TGFBR1: variants seen among roughly 807,000 people sequenced by gnomAD.
The protein encoded by TGFBR1 is TGF-beta receptor type-1.
TGFBR1 carries 20 observed loss-of-function variants against 55.1 expected under a neutral mutation model. The observed-to-expected ratio is 0.36, with a 90% CI of 0.26 to 0.53. The LOEUF is 0.53. Among genes scored for constraint, TGFBR1 ranks in the 20% least tolerant of loss-of-function variants. TGFBR1 has a pLI of 0.91. For synonymous variants in TGFBR1, 220 were observed against 214.8 expected, an observed-to-expected ratio of 1.02 and a Z score of -0.21; for missense variants, 385 against 617.6, an observed-to-expected ratio of 0.62 and a Z score of 3.99.
chr9:99,148,449 T>C (rs1203148907), intron 8 of TGFBR1, among the ~76,000 whole-genome samples: 2 of 152,268 alleles, frequency 1.3e-5, no homozygotes, highest in South Asian at 2.1e-4. Context: ...TATTACAATA[T>C]TGGTGAAGCA....
At position 99,149,290 on chromosome 9, in the gene TGFBR1, AGG is replaced by A; in HGVS notation, c.1498_1499del (p.Gly500HisfsTer23). On this transcript the variant is annotated frameshift_variant, in exon 9 of 9. Coordinates refer to ENST00000374994, the MANE Select transcript of TGFBR1 (RefSeq NM_004612.4). LOFTEE classifies it high-confidence loss of function. ...KTLSQLSQQE[G>X]IKM is the part of the protein sequence containing the mutation. ...CATTATCGCAACTCAGTCAACAGGA[AGG>A]CATCAAAATGTAATTCTACAGCTTT... 6.2e-7 allele frequency: 1 copy of A among 1,613,872 alleles called. No homozygotes were observed. The highest frequency in any genetic ancestry group is 8.5e-7 in the Non-Finnish European group (1 of 1,179,834).
At chr9:99,138,666 G>A (rs964805643) in intron 4 of TGFBR1, among the ~76,000 whole-genome samples, 1 of 152,204 alleles carries the variant, frequency 6.6e-6, no homozygotes, top group Non-Finnish European at 1.5e-5. Context: ...GAGGCCCAGT[G>A]TCAGGTCAGA....
rs374034229 is a variant in TGFBR1 at position 99,146,466 on chromosome 9, T to G, written c.1131-19T>G. 1.1e-5 allele frequency: 18 copies of G among 1,613,642 alleles called. No homozygotes were observed. The highest frequency in any genetic ancestry group is 1.5e-5 in the Non-Finnish European group (18 of 1,179,760). On this transcript the variant is annotated intron_variant, in intron 6 of 8. Coordinates refer to ENST00000374994, the MANE Select transcript of TGFBR1 (RefSeq NM_004612.4). The stretch of plus-strand genomic sequence containing the variant: ...GTAAGGGGATGATTTTCAAAGTTCT[T>G]TTTGCAAATTTTTTTTAGGTACATG...
chr9:99,144,481 T>G (rs1240518702), intron 5 of TGFBR1, among the ~76,000 whole-genome samples: 2 of 152,200 alleles, frequency 1.3e-5, no homozygotes, highest in Non-Finnish European at 2.9e-5. Flanking sequence ...ATAACTTTTT[T>G]TTTGCCCCAG....
At chr9:99,116,524 A>G (rs1211876853) in intron 1 of TGFBR1, among the ~76,000 whole-genome samples, 2 of 152,244 alleles carry the variant, frequency 1.3e-5, no homozygotes, top group African/African-American at 4.8e-5. Flanking sequence ...CTAAACTATT[A>G]TCTAGAGACT....
Position 99,149,506 on chromosome 9 carries a change from T to G in TGFBR1, c.*201T>G. The G allele has an allele frequency of 1.7e-6, 1 of 584,440 alleles. No homozygotes were observed. The allele number at this position is 584,440 out of a possible 1,614,324, so 36.2% of individuals were successfully genotyped here. A position where few individuals can be genotyped will look rare whatever the true frequency, so the allele number is the denominator to read the frequency against. Reference sequence around the variant, plus strand: ...CCATGTGGGTCCTTTCTGTGCACTATGAACGCTTCTTTCCCAGGACAGAAA... The same window carrying G: ...CCATGTGGGTCCTTTCTGTGCACTAGGAACGCTTCTTTCCCAGGACAGAAA... On this transcript the variant is annotated 3_prime_UTR_variant, in exon 9 of 9. Transcript: ENST00000374994.
intron 3 of TGFBR1, among the ~76,000 whole-genome samples, chr9:99,134,085 A>G (rs1333509490): frequency 6.6e-6 from 1 of 152,176 alleles, no homozygotes; most frequent in Non-Finnish European, 1.5e-5. Flanking sequence ...CTGGGTAAGA[A>G]TATAATTCTG....
intron 1 of TGFBR1, among the ~76,000 whole-genome samples, chr9:99,111,404 G>A (rs1015752092): frequency 4.0e-5 from 6 of 149,042 alleles, no homozygotes; most frequent in Admixed American, 1.4e-4. Flanking sequence ...CGAAGTGGGC[G>A]AATCACGAGG....
rs1480867762 is a variant in TGFBR1, at chr9:99,128,874, C to T, written c.117C>T (p.His39=). The T allele has an allele frequency of 2.5e-6, 4 of 1,613,824 alleles. No homozygotes were observed. Among genetic ancestry groups the T allele is most frequent in the African/African-American group, 2.7e-5 (2 of 74,992 alleles). ...PGATALQCFC[H]LCTKDNFTCV... is the part of the protein sequence containing the mutation. ...TTCCAGCGTTACAGTGTTTCTGCCA[C>T]CTCTGTACAAAAGACAATTTTACTT... is the stretch of plus-strand genomic sequence containing the variant. The change falls in exon 2 of 9, where the codon CAC becomes CAT. Residue 39 remains histidine (H), a synonymous_variant. Coordinates refer to ENST00000374994, the MANE Select transcript of TGFBR1 (RefSeq NM_004612.4).
upstream of TGFBR1, chr9:99,105,085 T>G (rs1588554541): frequency 8.0e-6 from 6 of 748,074 alleles, no homozygotes; most frequent in Non-Finnish European, 8.3e-6. Context: ...CTCCGAGCAG[T>G]TACAAAGGGC....
In TGFBR1 at chr9:99,144,939, C is replaced by T. The variant is rs560861871; in HGVS notation, c.1130+51C>T. ...ATATCTTCTGAAATCACCTTTTTTC[C>T]CTTCTCTTTCATATATACATATCAT... On this transcript the variant is annotated intron_variant, in intron 6 of 8. Transcript: ENST00000374994. 83 of 1,592,524 alleles carry T rather than the reference C, an allele frequency of 5.2e-5. 2 individuals are homozygous for T. The South Asian group carries it at 8.9e-4, about 17-fold the overall frequency.
At chr9:99,148,617 G>T (rs910432392) in intron 8 of TGFBR1, among the ~76,000 whole-genome samples, 3 of 152,078 alleles carry the variant, frequency 2.0e-5, no homozygotes, top group Non-Finnish European at 4.4e-5. Context: ...ACATCTCCAG[G>T]CCCAAATAAA....
rs1220994912 is a variant in TGFBR1, at chr9:99,105,201, G to A, written c.-5G>A. 3.6e-5 allele frequency: 39 copies of A among 1,084,848 alleles called. No individual in the cohort carries two copies. The highest frequency in any genetic ancestry group is 4.1e-5 in the Non-Finnish European group (37 of 896,054). The allele number at this position is 1,084,848 out of a possible 1,614,324, so 67.2% of individuals were successfully genotyped here. ...GGCCGGGCCACAGGCGGTGGCGGCGGGACCATGGAGGCGGCGGTCGCTGCT... is the reference window on the plus strand; with the variant it reads ...GGCCGGGCCACAGGCGGTGGCGGCGAGACCATGGAGGCGGCGGTCGCTGCT... On this transcript the variant is annotated 5_prime_UTR_variant, in exon 1 of 9. Transcript: ENST00000374994.
chr9:99,106,620 CA>C (rs1236770188), intron 1 of TGFBR1, among the ~76,000 whole-genome samples: 12 of 152,306 alleles, frequency 7.9e-5, no homozygotes, highest in African/African-American at 2.9e-4. Flanking sequence ...AAGTGGGGTA[CA>C]GACACGTTAA....
chr9:99,117,722 A>G (rs1308522364), intron 1 of TGFBR1, among the ~76,000 whole-genome samples: 2 of 152,080 alleles, frequency 1.3e-5, no homozygotes, highest in South Asian at 2.1e-4. Context: ...TGCCATTACC[A>G]TACTGTCTTA....
chr9:99,141,748 C>T (rs1003368607), intron 4 of TGFBR1, among the ~76,000 whole-genome samples: 7 of 152,130 alleles, frequency 4.6e-5, no homozygotes, highest in African/African-American at 7.2e-5. Flanking sequence ...ATTAGATTGT[C>T]GTGGACCAGT....
chr9:99,128,767 G>A, intron 1 of TGFBR1, 88 bp from the exon 2 acceptor site: 4 of 1,525,658 alleles, frequency 2.6e-6, no homozygotes, highest in Middle Eastern at 1.7e-4. Context: ...GTGATAATAG[G>A]ATCAAGAATG....
chr9:99,132,594 G>A lies in TGFBR1; in HGVS notation c.429G>A (p.Leu143=), dbSNP rs1248614365. The A allele has an allele frequency of 6.2e-7, 1 of 1,614,176 alleles. No homozygotes were observed. Among genetic ancestry groups the A allele is most frequent in the Non-Finnish European group, 8.5e-7 (1 of 1,180,036 alleles). ...PVCFVCISLM[L]MVYICHNRTV... ...GCTTCGTCTGCATCTCACTCATGTT[G>A]ATGGTCTATATCTGCCACAACCGCA... The change falls in exon 3 of 9, where the codon TTG becomes TTA. Residue 143 remains leucine (L), a synonymous_variant. Coordinates refer to ENST00000374994, the MANE Select transcript of TGFBR1 (RefSeq NM_004612.4).
At chr9:99,121,482 G>T (rs996012233) in intron 1 of TGFBR1, among the ~76,000 whole-genome samples, 1 of 152,120 alleles carries the variant, frequency 6.6e-6, no homozygotes, top group African/African-American at 2.4e-5. Flanking sequence ...CTTGAGAAGG[G>T]GGCATGTGTT....
Sources: allele counts gnomAD v4.1 joint callset (sites outside exome capture counted in the v4.1 genomes callset), GRCh38; gene constraint gnomAD v4.1.1; transcripts MANE v1.5; gene names NCBI Gene and HGNC (gene_info 2026-07-23, HGNC 2026-07-21).